The following TRPM3 variants were observed in gnomAD, a reference collection of about 807,000 sequenced individuals.
TRPM3 encodes the protein transient receptor potential cation channel subfamily M member 3.
TRPM3 carries 77 observed loss-of-function variants against 181.2 expected under a neutral mutation model. The observed-to-expected ratio is 0.42, with a 90% CI of 0.35 to 0.51. The LOEUF (loss-of-function observed/expected upper bound fraction) is 0.51, where lower values mean the gene tolerates loss of function less well. Among genes scored for constraint, TRPM3 ranks in the 20% least tolerant of loss-of-function variants. TRPM3 has a pLI of 0.01. For missense variants in TRPM3, 1,759 were observed against 2,196.7 expected (o/e 0.80, Z 3.98); for synonymous variants, 745 against 796.4 (o/e 0.94, Z 1.09).
intron 1 of TRPM3, among the ~76,000 whole-genome samples, chr9:70,937,965 C>A (rs2096845658): frequency 6.6e-6 from 1 of 152,108 alleles, no homozygotes; most frequent in Admixed American, 6.5e-5. Context: ...TCTCTTTTGC[C>A]CCTCTCCTTT....
intron 1 of TRPM3, among the ~76,000 whole-genome samples, chr9:71,313,272 T>A (rs988730194): frequency 1.3e-5 from 2 of 152,144 alleles, no homozygotes; most frequent in African/African-American, 4.8e-5. Context: ...AAGTACTATC[T>A]TTATGTTCTT....
chr9:71,237,707 G>A (rs190996967), intron 1 of TRPM3, among the ~76,000 whole-genome samples: 4 of 152,188 alleles, frequency 2.6e-5, no homozygotes, highest in East Asian at 3.9e-4. Context: ...GTTTTGTGCC[G>A]CTGTAACAGA....
intron 1 of TRPM3, among the ~76,000 whole-genome samples, chr9:71,312,844 G>C (rs918922080): frequency 6.6e-6 from 1 of 151,888 alleles, no homozygotes; most frequent in African/African-American, 2.4e-5. Flanking sequence ...TTCTGAAAAA[G>C]GCAAAACTAT....
intron 1 of TRPM3, among the ~76,000 whole-genome samples, chr9:71,212,496 A>G (rs1184255369): frequency 6.6e-6 from 1 of 152,238 alleles, no homozygotes; most frequent in Non-Finnish European, 1.5e-5. Context: ...AAACAAATTA[A>G]TCTCTTTACC....
intron 3 of TRPM3, among the ~76,000 whole-genome samples, chr9:70,861,353 G>A (rs2095514895): frequency 6.6e-6 from 1 of 152,126 alleles, no homozygotes; most frequent in African/African-American, 2.4e-5. Context: ...ACAACTTTGA[G>A]GGATGCTCTC....
intron 12 of TRPM3, among the ~76,000 whole-genome samples, chr9:70,626,442 A>G (rs1215604678): frequency 6.6e-6 from 1 of 152,168 alleles, no homozygotes; most frequent in East Asian, 1.9e-4. Flanking sequence ...GTCCTTAATG[A>G]AGGACCCACC....
chr9:70,860,981 G>A (rs1051681057), intron 3 of TRPM3, among the ~76,000 whole-genome samples: 1 of 152,108 alleles, frequency 6.6e-6, no homozygotes, highest in African/African-American at 2.4e-5. Flanking sequence ...ATTATATGAT[G>A]GTTCTGGGTT....
At chr9:71,079,720 G>T (rs546194799) in intron 1 of TRPM3, among the ~76,000 whole-genome samples, 1 of 152,288 alleles carries the variant, frequency 6.6e-6, no homozygotes, top group East Asian at 1.9e-4. Context: ...AACAGGGTTT[G>T]TCGGAGAGTC....
At chr9:70,563,882 G>T (rs2049822706) in intron 22 of TRPM3, among the ~76,000 whole-genome samples, 1 of 152,204 alleles carries the variant, frequency 6.6e-6, no homozygotes, top group African/African-American at 2.4e-5. Context: ...GCTCACGCAT[G>T]TCGTGCTCTG....
intron 1 of TRPM3, among the ~76,000 whole-genome samples, chr9:70,921,971 A>ACACACACACG (rs2096661690): frequency 6.6e-6 from 1 of 151,778 alleles, no homozygotes; most frequent in Non-Finnish European, 1.5e-5. Flanking sequence ...ACACACACAC[A>ACACACACACG]CACATATAGT....
chr9:71,342,870 T>C (rs1207014988), intron 1 of TRPM3, among the ~76,000 whole-genome samples: 2 of 152,116 alleles, frequency 1.3e-5, no homozygotes, highest in Non-Finnish European at 1.5e-5. Context: ...ATCTGTATAA[T>C]GGTTTACTAT....
intron 8 of TRPM3, among the ~76,000 whole-genome samples, chr9:70,691,879 T>C (rs542835091): frequency 6.6e-6 from 1 of 152,016 alleles, no homozygotes; most frequent in Admixed American, 6.6e-5. Flanking sequence ...CCAGGGAGAG[T>C]ATACAGTCAT....
At chr9:70,770,384 T>TC (rs2079991888) in intron 7 of TRPM3, among the ~76,000 whole-genome samples, 2 of 152,208 alleles carry the variant, frequency 1.3e-5, no homozygotes, top group Admixed American at 6.5e-5. Context: ...CAATAGCTGT[T>TC]TGGGGATGTT....
chr9:70,559,255 A>C (rs536852455), intron 22 of TRPM3, among the ~76,000 whole-genome samples: 1 of 152,290 alleles, frequency 6.6e-6, no homozygotes, highest in South Asian at 2.1e-4. Context: ...CACACACTGC[A>C]CATGTGACCT....
At chr9:70,617,208 T>G (rs1017046374) in intron 17 of TRPM3, among the ~76,000 whole-genome samples, 4 of 152,190 alleles carry the variant, frequency 2.6e-5, no homozygotes, top group African/African-American at 9.7e-5. Context: ...TCAGGGGACA[T>G]GACACCCTGT....
chr9:70,898,208 C>T (rs2096312702), intron 1 of TRPM3, among the ~76,000 whole-genome samples: 1 of 151,226 alleles, frequency 6.6e-6, no homozygotes, highest in African/African-American at 2.4e-5. Context: ...CTGCAAGCTC[C>T]GCCTCCCGGG....
chr9:70,909,624 CA>C (rs1191101053), intron 1 of TRPM3, among the ~76,000 whole-genome samples: 3 of 152,018 alleles, frequency 2.0e-5, no homozygotes, highest in African/African-American at 7.3e-5. Context: ...GGTGGAGGGG[CA>C]TGCACATAAA....
intron 1 of TRPM3, among the ~76,000 whole-genome samples, chr9:71,408,393 A>G (rs1290688756): frequency 6.6e-6 from 1 of 152,198 alleles, no homozygotes; most frequent in African/African-American, 2.4e-5. Context: ...AATAGAGAGC[A>G]TAGAGAAGAC....
chr9:70,934,851 A>G (rs2096810458), intron 1 of TRPM3, among the ~76,000 whole-genome samples: 1 of 152,066 alleles, frequency 6.6e-6, no homozygotes, highest in African/African-American at 2.4e-5. Context: ...TGAATTGCGC[A>G]ATGGAATGAC....
Sources: gnomAD v4.1 joint callset for allele counts (sites outside exome capture counted in the v4.1 genomes callset) on GRCh38, gnomAD v4.1.1 for gene constraint, MANE v1.5 for transcripts, NCBI Gene and HGNC (gene_info 2026-07-23, HGNC 2026-07-21) for gene names.